Variants in DCC observed in about 807,000 individuals in gnomAD.
DCC encodes netrin receptor DCC.
In DCC, 58 loss-of-function variants were observed where a neutral mutation model predicts 172.5. The observed-to-expected ratio is 0.34, with a 90% CI of 0.27 to 0.42. DCC has a LOEUF of 0.42. Ranked by LOEUF, DCC falls within the 10% of genes least tolerant of loss-of-function variation. DCC has a pLI of 1.00. For missense variants in DCC, 1,740 were observed against 1,791.0 expected (o/e 0.97, Z 0.51); for synonymous variants, 709 against 644.5 (o/e 1.10, Z -1.52).
chr18:52,816,645 A>C (rs1165182504), intron 2 of DCC: 1 of 152,166 alleles, frequency 6.6e-6, no homozygotes, highest in Admixed American at 6.5e-5. Flanking sequence ...GGGAAATGTG[A>C]GGCTGAGAAA....
intron 5 of DCC, among the ~76,000 whole-genome samples, chr18:52,946,406 G>A (rs1043225737): frequency 2.6e-5 from 4 of 152,166 alleles, no homozygotes; most frequent in Admixed American, 1.3e-4. Context: ...TCTGTACTAC[G>A]TAGGTATTGC....
rs1375369925 is a variant in DCC, at chr18:53,140,652, A to G, written c.1262-16704A>G. Among the ~76,000 whole-genome samples, 3 of 152,132 alleles carry G rather than the reference A, an allele frequency of 2.0e-5. No individual in the cohort carries two copies. The South Asian group carries it at 6.2e-4, about 32-fold the overall frequency. ...GAGAAATATGCCGAAGTAGGGACAC[A>G]TTCAGGAAGGGAAACTAGTAATCAA... On this transcript the variant is annotated intron_variant, in intron 7 of 28. Coordinates refer to ENST00000442544, the MANE Select transcript of DCC (RefSeq NM_005215.4).
At chr18:52,679,223 C>T (rs1335661393) in intron 1 of DCC, among the ~76,000 whole-genome samples, 1 of 151,748 alleles carries the variant, frequency 6.6e-6, no homozygotes, top group African/African-American at 2.4e-5. Flanking sequence ...ATTATAATTA[C>T]CATCATAATT....
intron 2 of DCC, among the ~76,000 whole-genome samples, chr18:52,804,583 TTTGAGACGGAGTC>T (rs1409980797): frequency 6.6e-6 from 1 of 152,110 alleles, no homozygotes; most frequent in African/African-American, 2.4e-5. Flanking sequence ...TTGTTTTGTT[TTTGAGACGGAGTC>T]TTGCTCTGTC....
chr18:53,507,749 T>C (rs1013664521), intron 27 of DCC, among the ~76,000 whole-genome samples: 5 of 152,212 alleles, frequency 3.3e-5, no homozygotes, highest in African/African-American at 9.6e-5. Context: ...ATGGCACTTA[T>C]AGTGACTGCT....
intron 1 of DCC, among the ~76,000 whole-genome samples, chr18:52,519,491 A>G (rs1011528109): frequency 6.6e-6 from 1 of 152,220 alleles, no homozygotes; most frequent in African/African-American, 2.4e-5. Flanking sequence ...GCAATAGTTT[A>G]ATCATTTCCA....
chr18:52,378,862 A>G (rs569899735), intron 1 of DCC, among the ~76,000 whole-genome samples: 14 of 152,136 alleles, frequency 9.2e-5, no homozygotes, highest in Admixed American at 2.0e-4. Flanking sequence ...TATATATACT[A>G]TTTTAATATT....
intron 27 of DCC, among the ~76,000 whole-genome samples, chr18:53,500,810 G>T (rs533855826): frequency 6.6e-6 from 1 of 151,980 alleles, no homozygotes; most frequent in African/African-American, 2.4e-5. Flanking sequence ...CATTCTACAA[G>T]AGATGGCCCT....
intron 1 of DCC, among the ~76,000 whole-genome samples, chr18:52,356,741 T>C (rs1240899316): frequency 6.6e-6 from 1 of 152,102 alleles, no homozygotes; most frequent in South Asian, 2.1e-4. Flanking sequence ...CAGCTATTTA[T>C]TTAAGATCAC....
intron 1 of DCC, among the ~76,000 whole-genome samples, chr18:52,515,021 C>T (rs1194158120): frequency 6.6e-6 from 1 of 152,166 alleles, no homozygotes; most frequent in Admixed American, 6.5e-5. Context: ...ATAAAAACTA[C>T]AGTTCAATAT....
At position 52,936,576 on chromosome 18, in the gene DCC, C is replaced by T. The variant is rs373089930; in HGVS notation, c.985+11206C>T. Among the ~76,000 whole-genome samples the T allele has an allele frequency of 2.2e-4, 14 of 62,572 alleles. 1 individual carries two copies. The highest frequency in any genetic ancestry group is 5.5e-4 in the African/African-American group (11 of 20,082). The allele number at this position is 62,572 out of a possible 152,430, so 41.0% of individuals were successfully genotyped here. ...GAAGTAGAGGCCCCCGAGGGAAAAG[C>T]AAAGTCTATGTACTAATACAGACCA... On this transcript the variant is annotated intron_variant, in intron 5 of 28. Transcript: ENST00000442544.
intron 1 of DCC, among the ~76,000 whole-genome samples, chr18:52,476,220 A>G (rs1270573242): frequency 1.3e-5 from 2 of 152,192 alleles, no homozygotes; most frequent in Non-Finnish European, 2.9e-5. Flanking sequence ...TTTATATTCC[A>G]TAAATGTGGC....
chr18:53,320,825 C>G (rs1037018449), intron 13 of DCC, among the ~76,000 whole-genome samples: 2 of 152,138 alleles, frequency 1.3e-5, no homozygotes, highest in Non-Finnish European at 2.9e-5. Context: ...ATATTAATAA[C>G]AAAGATAAGA....
intron 1 of DCC, among the ~76,000 whole-genome samples, chr18:52,729,346 G>A (rs1042763549): frequency 6.6e-6 from 1 of 152,042 alleles, no homozygotes; most frequent in Non-Finnish European, 1.5e-5. Flanking sequence ...TGCAACCTCT[G>A]CCTCCTGGGT....
chr18:52,525,725 G>A (rs1029092789), intron 1 of DCC, among the ~76,000 whole-genome samples: 6 of 152,202 alleles, frequency 3.9e-5, no homozygotes, highest in African/African-American at 1.4e-4. Context: ...ACAGAAAAAT[G>A]TGATAGTTAT....
At chr18:52,648,877 G>T (rs182283058) in intron 1 of DCC, among the ~76,000 whole-genome samples, 72 of 152,246 alleles carry the variant, frequency 4.7e-4, no homozygotes, top group Non-Finnish European at 9.4e-4. Context: ...GCGTTTCTAG[G>T]TTCAATATTC....
chr18:52,521,708 C>A (rs1034952625), intron 1 of DCC, among the ~76,000 whole-genome samples: 2 of 151,990 alleles, frequency 1.3e-5, no homozygotes, highest in Non-Finnish European at 2.9e-5. Context: ...AGGAAGTTAT[C>A]GTAATTTTAA....
chr18:52,447,999 G>A (rs1568174713), intron 1 of DCC, among the ~76,000 whole-genome samples: 3 of 152,136 alleles, frequency 2.0e-5, no homozygotes, highest in Admixed American at 6.5e-5. Context: ...ATTGGAGTCT[G>A]GAGAATGGTG....
intron 5 of DCC, among the ~76,000 whole-genome samples, chr18:52,942,729 C>A (rs1433523867): frequency 6.6e-6 from 1 of 152,182 alleles, no homozygotes. Context: ...CCCGCCAGGT[C>A]CCTCCCACAA....
Sources: allele counts gnomAD v4.1 joint callset (sites outside exome capture counted in the v4.1 genomes callset), GRCh38; gene constraint gnomAD v4.1.1; transcripts MANE v1.5; gene names NCBI Gene and HGNC (gene_info 2026-07-23, HGNC 2026-07-21).